The following FOXP2 variants were observed in gnomAD, a reference collection of about 807,000 sequenced individuals.
FOXP2 encodes forkhead box protein P2.
In FOXP2, 12 loss-of-function variants were observed where a neutral mutation model predicts 115.8. The observed-to-expected ratio is 0.10, with a 90% confidence interval of 0.07 to 0.17. The LOEUF (loss-of-function observed/expected upper bound fraction) is 0.17. Among genes scored for constraint, FOXP2 ranks in the 10% least tolerant of loss-of-function variants. The pLI is 1.00. For missense variants in FOXP2, 629 were observed against 843.5 expected, an observed-to-expected ratio of 0.75 and a Z score of 3.15; for synonymous variants, 328 against 297.7, an observed-to-expected ratio of 1.10 and a Z score of -1.05.
At chr7:114,447,606 C>G (rs1305602878) in intron 2 of FOXP2, among the ~76,000 whole-genome samples, 1 of 152,204 alleles carries the variant, frequency 6.6e-6, no homozygotes, top group East Asian at 1.9e-4. Context: ...ACAAGTACCC[C>G]ACGCTAACAT....
chr7:114,087,426 G>C (rs1369840031), upstream of FOXP2, among the ~76,000 whole-genome samples: 4 of 151,012 alleles, frequency 2.6e-5, no homozygotes, highest in Admixed American at 1.3e-4. Flanking sequence ...TCGCCTGGCT[G>C]TTTGTGGGTG....
In FOXP2 at chr7:114,406,070, A is replaced by G. The variant is rs190770377; in HGVS notation, c.-10-20432A>G. Among the ~76,000 whole-genome samples, 125 of 150,874 alleles carry G rather than the reference A, an allele frequency of 8.3e-4. 1 individual carries two copies. Among genetic ancestry groups the G allele is most frequent in the African/African-American group, 2.9e-3 (118 of 41,296 alleles). The stretch of plus-strand genomic sequence containing the variant: ...GCTAGTCCACTTACACCATTTATTC[A>G]TAGAAAGAAGTATGATTTGTATATG... On this transcript the variant is annotated intron_variant, in intron 2 of 17. Transcript: ENST00000634411.
chr7:114,537,230 A>G (rs929821907), intron 3 of FOXP2, among the ~76,000 whole-genome samples: 1 of 151,566 alleles, frequency 6.6e-6, no homozygotes, highest in Non-Finnish European at 1.5e-5. Context: ...AAACATTCAT[A>G]ATAGAGTTAG....
chr7:114,418,017 T>C (rs41304936), intron 1 of FOXP2, among the ~76,000 whole-genome samples: 3,749 of 152,108 alleles, frequency 0.025, 80 homozygotes, highest in Middle Eastern at 0.068. Context: ...AAAAACTTTC[T>C]GTGCATTCAG....
chr7:114,154,671 ATATAT>A (rs1792615199), intron 1 of FOXP2, among the ~76,000 whole-genome samples: 1 of 152,136 alleles, frequency 6.6e-6, no homozygotes, highest in African/African-American at 2.4e-5. Context: ...TTTTGATTAA[ATATAT>A]TATTTAATGG....
Position 114,518,687 on chromosome 7 carries a change from G to C in FOXP2, c.169-15930G>C, listed in dbSNP as rs112344649. Among the ~76,000 whole-genome samples, 1,263 of 152,144 alleles carry C rather than the reference G, an allele frequency of 8.3e-3. 14 individuals carry two copies. The highest frequency in any genetic ancestry group is 0.029 in the African/African-American group (1,205 of 41,492). On this transcript the variant is annotated intron_variant, in intron 2 of 16. Transcript: ENST00000350908. ...CCAGTTAAATTTTTTTGTATTTTTA[G>C]TAGAGACAGGCTTTCACCATGTTGG...
chr7:114,642,002 C>T (rs953190915), intron 6 of FOXP2, among the ~76,000 whole-genome samples: 4 of 151,922 alleles, frequency 2.6e-5, no homozygotes, highest in Non-Finnish European at 5.9e-5. Flanking sequence ...GACAGGGTTT[C>T]ACCATGTTGG....
At chr7:114,131,340 C>T (rs1791869897) in intron 1 of FOXP2, among the ~76,000 whole-genome samples, 1 of 152,072 alleles carries the variant, frequency 6.6e-6, no homozygotes, top group East Asian at 1.9e-4. Flanking sequence ...ATTGGGGGGA[C>T]CTTGATTTTT....
chr7:114,446,616 A>G (rs1794844877), intron 2 of FOXP2, among the ~76,000 whole-genome samples: 1 of 152,056 alleles, frequency 6.6e-6, no homozygotes, highest in Admixed American at 6.6e-5. Flanking sequence ...GAATTTTAAA[A>G]CCCACCTCCC....
chr7:114,489,133 T>C (rs1159906108), intron 2 of FOXP2, among the ~76,000 whole-genome samples: 1 of 152,034 alleles, frequency 6.6e-6, no homozygotes, highest in Non-Finnish European at 1.5e-5. Flanking sequence ...GATTTAAAGA[T>C]CTCTCTGCTA....
At chr7:114,575,535 A>T (rs937012097) in intron 3 of FOXP2, among the ~76,000 whole-genome samples, 4 of 151,904 alleles carry the variant, frequency 2.6e-5, no homozygotes, top group Non-Finnish European at 5.9e-5. Context: ...TCACACAAAA[A>T]ATAGTGTTCT....
intron 3 of FOXP2, among the ~76,000 whole-genome samples, chr7:114,614,260 G>C (rs996360016): frequency 6.6e-6 from 1 of 152,062 alleles, no homozygotes; most frequent in Non-Finnish European, 1.5e-5. Context: ...CAATCTGATA[G>C]GTTTTTCAAA....
chr7:114,617,258 C>G (rs534892366), intron 3 of FOXP2, among the ~76,000 whole-genome samples: 1 of 152,122 alleles, frequency 6.6e-6, no homozygotes, highest in South Asian at 2.1e-4. Context: ...TTTCAGATGC[C>G]TTTGAATCTC....
At chr7:114,258,534 A>G (rs2129170860) in intron 1 of FOXP2, among the ~76,000 whole-genome samples, 1 of 152,356 alleles carries the variant, frequency 6.6e-6, no homozygotes, top group South Asian at 2.1e-4. Flanking sequence ...AAAGGATCTC[A>G]AAAGAGCAAT....
intron 3 of FOXP2, among the ~76,000 whole-genome samples, chr7:114,566,370 G>T (rs1021430909): frequency 4.6e-5 from 7 of 152,040 alleles, no homozygotes; most frequent in African/African-American, 1.7e-4. Flanking sequence ...CTCACGGGAG[G>T]TGTTTGGGTC....
chr7:114,262,169 A>T (rs1002092873), intron 1 of FOXP2, among the ~76,000 whole-genome samples: 2 of 152,120 alleles, frequency 1.3e-5, no homozygotes, highest in African/African-American at 2.4e-5. Context: ...CATGCCTGTA[A>T]TCCAAGCACT....
At chr7:114,366,131 C>G (rs554437539) in intron 2 of FOXP2, among the ~76,000 whole-genome samples, 2 of 152,204 alleles carry the variant, frequency 1.3e-5, no homozygotes, top group South Asian at 4.1e-4. Flanking sequence ...GGAAGGCTTT[C>G]CAGGCATCTT....
At chr7:114,397,575 G>A (rs956022273) in intron 2 of FOXP2, among the ~76,000 whole-genome samples, 3 of 152,226 alleles carry the variant, frequency 2.0e-5, no homozygotes, top group South Asian at 2.1e-4. Context: ...GCGTTGCAAA[G>A]AGATTGAAGA....
chr7:114,429,684 A>G (rs1794019306), intron 2 of FOXP2, among the ~76,000 whole-genome samples: 1 of 151,548 alleles, frequency 6.6e-6, no homozygotes, highest in Non-Finnish European at 1.5e-5. Flanking sequence ...ATCTTTCTGA[A>G]TGTTTTATGA....
Sources: gnomAD v4.1 joint callset for allele counts (sites outside exome capture counted in the v4.1 genomes callset) on GRCh38, gnomAD v4.1.1 for gene constraint, MANE v1.5 for transcripts, NCBI Gene and HGNC (gene_info 2026-07-23, HGNC 2026-07-21) for gene names.